KCNAB1: variants seen among roughly 807,000 people sequenced by gnomAD.
KCNAB1 encodes voltage-gated potassium channel subunit beta-1.
Under a neutral mutation model 64.6 loss-of-function variants are expected in KCNAB1, and 35 were observed. That is an observed-to-expected ratio of 0.54 (90% CI 0.41 to 0.72). The LOEUF (loss-of-function observed/expected upper bound fraction) is 0.72, where lower values mean the gene tolerates loss of function less well. Ranked by LOEUF, KCNAB1 falls within the 30% of genes least tolerant of loss-of-function variation. The pLI is 0.00. For missense variants in KCNAB1, 401 were observed against 512.9 expected, an observed-to-expected ratio of 0.78 and a Z score of 2.11; for synonymous variants, 177 against 183.8, an observed-to-expected ratio of 0.96 and a Z score of 0.30.
intron 2 of KCNAB1, among the ~76,000 whole-genome samples, chr3:156,443,906 A>C (rs1466819669): frequency 6.6e-6 from 1 of 152,144 alleles, no homozygotes; most frequent in Non-Finnish European, 1.5e-5. Flanking sequence ...TCTTTTGTAA[A>C]AGGCAGGTGT....
In KCNAB1 at chr3:156,465,630, T is replaced by C. The variant is rs1294397010; in HGVS notation, c.528-13T>C. 1.2e-6 allele frequency: 2 copies of C among 1,611,648 alleles called. No individual in the cohort carries two copies. Among genetic ancestry groups the C allele is most frequent in the Non-Finnish European group, 1.7e-6 (2 of 1,178,026 alleles). On this transcript the variant is annotated splice_polypyrimidine_tract_variant and intron_variant, in intron 6 of 13. Coordinates refer to ENST00000490337, the MANE Select transcript of KCNAB1 (RefSeq NM_172160.3). ...ACTCTCATTCAAAGTTATTTGCTTC[T>C]TTTTCTTGGCAGAGCTGAAACAGAA...
At position 156,524,105 on chromosome 3, in the gene KCNAB1, G is replaced by A. The variant is rs906959098; in HGVS notation, c.1081+158G>A. The A allele has an allele frequency of 2.3e-5, 17 of 737,334 alleles. No individual in the cohort carries two copies. The Admixed American group carries it at 4.0e-4, about 17-fold the overall frequency. The allele number at this position is 737,334 out of a possible 1,614,324, so 45.7% of individuals were successfully genotyped here. On this transcript the variant is annotated intron_variant, in intron 12 of 13. Transcript: ENST00000490337. ...GCTAAATATAAAGTGAGTTATTTGA[G>A]GTTCCCCAGAATTTTCTACATGATA... is the stretch of plus-strand genomic sequence containing the variant.
At chr3:156,469,824 G>A (rs187805959) in intron 7 of KCNAB1, among the ~76,000 whole-genome samples, 211 of 152,284 alleles carry the variant, frequency 1.4e-3, no homozygotes, top group African/African-American at 4.9e-3. Flanking sequence ...TGAAATTAGG[G>A]AATTGAGTGA....
intron 11 of KCNAB1, among the ~76,000 whole-genome samples, chr3:156,516,945 A>G (rs1717603303): frequency 6.6e-6 from 1 of 152,204 alleles, no homozygotes; most frequent in African/African-American, 2.4e-5. Context: ...GATATTCAAG[A>G]TCATTGACAC....
intron 1 of KCNAB1, among the ~76,000 whole-genome samples, chr3:156,133,130 C>A (rs1303676428): frequency 6.6e-6 from 1 of 152,088 alleles, no homozygotes; most frequent in Non-Finnish European, 1.5e-5. Flanking sequence ...AACAAGCTGT[C>A]CAAAGGGCTG....
intron 8 of KCNAB1, among the ~76,000 whole-genome samples, chr3:156,503,839 T>C (rs1716628998): frequency 6.6e-6 from 1 of 152,236 alleles, no homozygotes; most frequent in African/African-American, 2.4e-5. Flanking sequence ...CTGTATACAA[T>C]GTGTTGTGAT....
intron 1 of KCNAB1, among the ~76,000 whole-genome samples, chr3:156,124,315 C>T (rs981433745): frequency 3.3e-5 from 5 of 151,480 alleles, no homozygotes; most frequent in East Asian, 3.9e-4. Context: ...CTCCTGGGTT[C>T]GAGCGATTCG....
At chr3:156,210,905 C>T (rs963463090) in intron 1 of KCNAB1, among the ~76,000 whole-genome samples, 2 of 152,136 alleles carry the variant, frequency 1.3e-5, no homozygotes, top group Admixed American at 6.5e-5. Flanking sequence ...TAAACAAATT[C>T]GTGGGTGGGT....
At chr3:156,423,289 A>G (rs1290056099) in intron 2 of KCNAB1, among the ~76,000 whole-genome samples, 1 of 152,218 alleles carries the variant, frequency 6.6e-6, no homozygotes, top group East Asian at 1.9e-4. Context: ...ATGATGCGGA[A>G]AAAGGAGAGA....
chr3:156,436,546 G>A (rs1023598487), intron 2 of KCNAB1, among the ~76,000 whole-genome samples: 7 of 152,144 alleles, frequency 4.6e-5, no homozygotes, highest in South Asian at 2.1e-4. Flanking sequence ...GTGTAAAAGT[G>A]TTCTGATTTT....
rs561704672 is a variant in KCNAB1 at position 156,453,149 on chromosome 3, T to C, written c.357+213T>C. 1.8e-5 allele frequency: 7 copies of C among 396,158 alleles called. No homozygotes were observed. In the South Asian group the frequency reaches 3.6e-4, roughly 21 times the overall value. 24.5% of individuals were successfully genotyped at this position (396,158 alleles called of 1,614,324 possible). On this transcript the variant is annotated intron_variant, in intron 3 of 13. Coordinates refer to ENST00000490337, the MANE Select transcript of KCNAB1 (RefSeq NM_172160.3). ...TAATAGCCCTTGAAGCTGTACATTA[T>C]ATATGCAGGTTGAACAGTCAGAGAA...
At chr3:156,504,547 T>G (rs907348981) in intron 8 of KCNAB1, among the ~76,000 whole-genome samples, 1 of 152,164 alleles carries the variant, frequency 6.6e-6, no homozygotes, top group African/African-American at 2.4e-5. Context: ...GATTTTCCTT[T>G]TCTCCACATT....
intron 1 of KCNAB1, among the ~76,000 whole-genome samples, chr3:156,286,437 G>A (rs1325937855): frequency 6.6e-6 from 1 of 152,062 alleles, no homozygotes; most frequent in Admixed American, 6.5e-5. Flanking sequence ...ATTTTGCCTG[G>A]CTGCATAATT....
At chr3:156,183,612 G>C (rs184360051) in intron 1 of KCNAB1, among the ~76,000 whole-genome samples, 2 of 152,304 alleles carry the variant, frequency 1.3e-5, no homozygotes, top group African/African-American at 4.8e-5. Context: ...TTGCCCTGCT[G>C]TTTGCCCATA....
At position 156,511,467 on chromosome 3, in the gene KCNAB1, G is replaced by T. The variant is rs75919709; in HGVS notation, c.659-2897G>T. ...TTCACATGTCCAAAGAAGAACCCTCGATTTTTCTCCCAAACCTGTTCTTCC... is the reference window on the plus strand; with the variant it reads ...TTCACATGTCCAAAGAAGAACCCTCTATTTTTCTCCCAAACCTGTTCTTCC... On this transcript the variant is annotated intron_variant, in intron 8 of 13. Coordinates refer to ENST00000490337, the MANE Select transcript of KCNAB1 (RefSeq NM_172160.3). 4.3e-4 allele frequency among the ~76,000 whole-genome samples: 66 copies of T among 152,162 alleles called. 1 individual carries two copies. The East Asian group carries it at 0.012, about 27-fold the overall frequency.
intron 2 of KCNAB1, among the ~76,000 whole-genome samples, chr3:156,450,904 T>C (rs532811429): frequency 8.7e-5 from 13 of 149,148 alleles, no homozygotes; most frequent in African/African-American, 2.4e-4. Flanking sequence ...TTTTTTCTTA[T>C]AATAATTGTT....
chr3:156,450,949 T>C lies in KCNAB1; in HGVS notation c.320-1950T>C, dbSNP rs138059642. 1.1e-3 allele frequency among the ~76,000 whole-genome samples: 163 copies of C among 152,118 alleles called. 4 individuals carry two copies. In the East Asian group the frequency reaches 0.025, roughly 23 times the overall value. On this transcript the variant is annotated intron_variant, in intron 2 of 13. Transcript: ENST00000490337. Reference sequence around the variant, plus strand: ...ATGCACAAGTTCATTTTCCTCTTCTTTTTACACTAAGAAAAATATCAGTAA... The same window carrying C: ...ATGCACAAGTTCATTTTCCTCTTCTCTTTACACTAAGAAAAATATCAGTAA...
chr3:156,458,188 C>A lies in KCNAB1; in HGVS notation c.437+656C>A, dbSNP rs555024491. Among the ~76,000 whole-genome samples, 41 of 152,324 alleles carry A rather than the reference C, an allele frequency of 2.7e-4. No homozygotes were observed. The South Asian group carries it at 8.1e-3, about 30-fold the overall frequency. ...GAAAGGAGTCACATCCAACTGCAAC[C>A]TTCCTTTGAACCCAAGGCAGATTTG... is the stretch of plus-strand genomic sequence containing the variant. On this transcript the variant is annotated intron_variant, in intron 4 of 13. Transcript: ENST00000490337.
intron 1 of KCNAB1, among the ~76,000 whole-genome samples, chr3:156,295,515 A>G (rs963476357): frequency 3.3e-5 from 5 of 152,274 alleles, no homozygotes; most frequent in African/African-American, 9.6e-5. Flanking sequence ...GCTTAAAGGC[A>G]CTATTATATT....
Sources: allele counts gnomAD v4.1 joint callset (sites outside exome capture counted in the v4.1 genomes callset), GRCh38; gene constraint gnomAD v4.1.1; transcripts MANE v1.5; gene names NCBI Gene and HGNC (gene_info 2026-07-23, HGNC 2026-07-21).